The following TRDN variants were observed in gnomAD, a reference collection of about 807,000 sequenced individuals.
The protein encoded by TRDN is triadin in skeletal muscle.
A neutral mutation model predicts 149.7 loss-of-function variants in TRDN; 161 were observed. The observed-to-expected ratio is 1.08, with a 90% CI of 0.95 to 1.23. The LOEUF (loss-of-function observed/expected upper bound fraction) is 1.23. TRDN is among the 50% of genes most tolerant of loss of function. TRDN has a pLI of 0.00. For missense variants in TRDN, 896 were observed against 823.5 expected (o/e 1.09, Z -1.08); for synonymous variants, 294 against 250.5 (o/e 1.17, Z -1.64).
At chr6:123,296,600 G>A (rs1024292548) in intron 24 of TRDN, among the ~76,000 whole-genome samples, 1 of 151,940 alleles carries the variant, frequency 6.6e-6, no homozygotes, top group East Asian at 1.9e-4. Context: ...AAGAGAAAAT[G>A]CCTTCTGAGC....
chr6:123,290,062 G>T (rs1406169278), intron 24 of TRDN, among the ~76,000 whole-genome samples: 1 of 152,128 alleles, frequency 6.6e-6, no homozygotes. Context: ...CAGATAAACA[G>T]CTGCCTGAAC....
chr6:123,539,434 T>A (rs953588677), intron 4 of TRDN, among the ~76,000 whole-genome samples: 1 of 152,194 alleles, frequency 6.6e-6, no homozygotes, highest in Non-Finnish European at 1.5e-5. Context: ...AGTTTAATCA[T>A]AGAATCGTAA....
At chr6:123,236,537 C>A (rs1165669303) in intron 38 of TRDN, among the ~76,000 whole-genome samples, 1 of 152,090 alleles carries the variant, frequency 6.6e-6, no homozygotes, top group Non-Finnish European at 1.5e-5. Flanking sequence ...TGTTAGGTCT[C>A]AAAGATGTTT....
At chr6:123,367,217 A>T (rs1385913180) in intron 19 of TRDN, among the ~76,000 whole-genome samples, 3 of 152,122 alleles carry the variant, frequency 2.0e-5, no homozygotes, top group African/African-American at 7.2e-5. Context: ...AATAATAATA[A>T]TAATAATAAG....
intron 38 of TRDN, among the ~76,000 whole-genome samples, chr6:123,231,263 C>T (rs1022568345): frequency 6.6e-6 from 1 of 152,008 alleles, no homozygotes; most frequent in Non-Finnish European, 1.5e-5. Context: ...ATAGAAGGGA[C>T]TCTGAAGTAT....
At chr6:123,260,684 AT>A (rs1230003755) in intron 33 of TRDN, 46 bp from the exon 34 acceptor site, 5 of 1,383,818 alleles carry the variant, frequency 3.6e-6, no homozygotes, top group Admixed American at 2.9e-5. Flanking sequence ...AGGAAAAAAA[AT>A]AAAAAGAAAA....
At chr6:123,599,522 C>A (rs748200779) in intron 1 of TRDN, among the ~76,000 whole-genome samples, 1 of 152,002 alleles carries the variant, frequency 6.6e-6, no homozygotes, top group African/African-American at 2.4e-5. Flanking sequence ...GTTTTTAATG[C>A]ATTCACTACC....
intron 1 of TRDN, among the ~76,000 whole-genome samples, chr6:123,593,999 A>G (rs1783913063): frequency 6.6e-6 from 1 of 152,148 alleles, no homozygotes; most frequent in Non-Finnish European, 1.5e-5. Flanking sequence ...AAATCATCCA[A>G]GGGATGGCTT....
intron 9 of TRDN, among the ~76,000 whole-genome samples, chr6:123,477,668 C>A (rs1777554289): frequency 6.6e-6 from 1 of 151,826 alleles, no homozygotes; most frequent in South Asian, 2.1e-4. Flanking sequence ...CCCAAATGTC[C>A]AACAATGATA....
In TRDN at chr6:123,493,968, T is replaced by C. The variant is rs1227778833; in HGVS notation, c.853+3225A>G. Among the ~76,000 whole-genome samples, 4 of 152,200 alleles carry C rather than the reference T, an allele frequency of 2.6e-5. No homozygotes were observed. In the East Asian group the frequency reaches 7.7e-4, roughly 29 times the overall value. On this transcript the variant is annotated intron_variant, in intron 9 of 40. Transcript: ENST00000334268. ...TTAGGTACATTTACATAACATCATA[T>C]AGTTTATTAAATGAAACAACAGGCA... is the stretch of plus-strand genomic sequence containing the variant.
In TRDN at chr6:123,571,012, G is replaced by T. The variant is rs1278830566; in HGVS notation, c.143C>A (p.Ala48Glu). Residue 48 changes from alanine (A) to glutamate (E), a missense_variant, in exon 2 of 41, where the codon GCA (alanine) becomes GAA (glutamate). By Grantham distance (107) the Ala-to-Glu change is moderately radical. Transcript: ENST00000334268. ...CAGGGCAATGACCAGAAGCCAGGCT[G>T]CAGGGGAGCTGAACGTCGTCACTAT... ...EDIVTTFSSP[A>E]AWLLVIALII... is the part of the protein sequence containing the mutation. The T allele has an allele frequency of 2.5e-6, 4 of 1,613,870 alleles. No individual in the cohort carries two copies. Among genetic ancestry groups the T allele is most frequent in the Non-Finnish European group, 3.4e-6 (4 of 1,179,890 alleles).
At chr6:123,524,127 G>A (rs780330927) in intron 5 of TRDN, among the ~76,000 whole-genome samples, 1 of 152,052 alleles carries the variant, frequency 6.6e-6, no homozygotes, top group Admixed American at 6.6e-5. Flanking sequence ...GTGCAGTCAG[G>A]GTTGAGTACC....
At chr6:123,260,533 T>C in intron 34 of TRDN, 79 bp downstream of exon 34, 2 of 1,392,968 alleles carry the variant, frequency 1.4e-6, no homozygotes, top group Middle Eastern at 1.9e-4. Flanking sequence ...ATTTTCTAAA[T>C]GTTATACATC....
intron 7 of TRDN, among the ~76,000 whole-genome samples, chr6:123,506,550 G>A (rs539758764): frequency 6.6e-6 from 1 of 151,788 alleles, no homozygotes; most frequent in African/African-American, 2.4e-5. Context: ...GTGCAATGGT[G>A]CAATCTTGGC....
At chr6:123,254,799 AT>A in intron 37 of TRDN, 1 of 260,712 alleles carries the variant, frequency 3.8e-6, no homozygotes, top group Admixed American at 4.8e-5. Context: ...GACATTATTC[AT>A]GCTAAAAAAG....
chr6:123,389,999 C>CA (rs1441680391), intron 13 of TRDN, among the ~76,000 whole-genome samples: 1 of 152,014 alleles, frequency 6.6e-6, no homozygotes, highest in Admixed American at 6.6e-5. Context: ...GAATTTCCTT[C>CA]AAAAAATTTT....
intron 24 of TRDN, among the ~76,000 whole-genome samples, chr6:123,301,984 A>G (rs980017031): frequency 6.7e-5 from 10 of 149,890 alleles, no homozygotes; most frequent in Non-Finnish European, 1.5e-4. Context: ...TGTTTAGGTT[A>G]TTCACCTATA....
At chr6:123,218,857 G>C in intron 40 of TRDN, 117 bp from the exon 41 acceptor site, 1 of 1,091,990 alleles carries the variant, frequency 9.2e-7, no homozygotes, top group Non-Finnish European at 1.3e-6. Flanking sequence ...CTCCGTAGCT[G>C]TTGGCAAGTT....
chr6:123,252,345 T>G, intron 38 of TRDN, 67 bp downstream of exon 38: 1 of 973,624 alleles, frequency 1.0e-6, no homozygotes. Context: ...AAATATTTTA[T>G]GAATTTCATC....
Sources: allele counts gnomAD v4.1 joint callset (sites outside exome capture counted in the v4.1 genomes callset), GRCh38; gene constraint gnomAD v4.1.1; transcripts MANE v1.5; gene names NCBI Gene and HGNC (gene_info 2026-07-23, HGNC 2026-07-21).